NLGN1: variants seen among roughly 807,000 people sequenced by gnomAD.
NLGN1 encodes neuroligin 1, also known as neuroligin-1.
NLGN1 carries 12 observed loss-of-function variants against 65.5 expected under a neutral mutation model. That is an observed-to-expected ratio of 0.18 (90% CI 0.12 to 0.30). The LOEUF is 0.30. Among genes scored for constraint, NLGN1 ranks in the 10% least tolerant of loss-of-function variants. The pLI, the probability that NLGN1 is intolerant of heterozygous loss-of-function variation, is 1.00. For missense variants in NLGN1, 750 were observed against 1,007.1 expected, an observed-to-expected ratio of 0.74 and a Z score of 3.46; for synonymous variants, 350 against 359.5, an observed-to-expected ratio of 0.97 and a Z score of 0.30.
intron 3 of NLGN1, among the ~76,000 whole-genome samples, chr3:173,726,955 A>T (rs1771912268): frequency 1.3e-5 from 2 of 149,770 alleles, no homozygotes; most frequent in South Asian, 2.1e-4. Context: ...AAAAAAAAAG[A>T]AGAAGAAGAA....
At chr3:173,532,832 T>A (rs1560394849) in intron 2 of NLGN1, among the ~76,000 whole-genome samples, 1 of 152,190 alleles carries the variant, frequency 6.6e-6, no homozygotes, top group Non-Finnish European at 1.5e-5. Context: ...TCCCTGATAC[T>A]CCATGTTTAT....
chr3:174,183,701 C>T (rs1429975509), intron 4 of NLGN1, among the ~76,000 whole-genome samples: 2 of 152,126 alleles, frequency 1.3e-5, no homozygotes, highest in East Asian at 1.9e-4. Context: ...TGCACACATA[C>T]ACAACATTCA....
chr3:174,267,148 G>T (rs570363910), intron 4 of NLGN1, among the ~76,000 whole-genome samples: 1 of 152,132 alleles, frequency 6.6e-6, no homozygotes, highest in Non-Finnish European at 1.5e-5. Context: ...TGTTTGTGTC[G>T]CTATAAAGGA....
intron 3 of NLGN1, among the ~76,000 whole-genome samples, chr3:173,627,100 G>C (rs1464381174): frequency 6.6e-6 from 1 of 151,968 alleles, no homozygotes; most frequent in Non-Finnish European, 1.5e-5. Flanking sequence ...GATCTACCAT[G>C]GGTTTTTTGT....
chr3:174,259,407 C>T (rs189869216), intron 4 of NLGN1, among the ~76,000 whole-genome samples: 1 of 152,090 alleles, frequency 6.6e-6, no homozygotes, highest in East Asian at 1.9e-4. Context: ...TTCTCCCTCA[C>T]CCTCACACTT....
At chr3:173,859,902 C>G (rs1251421138) in intron 4 of NLGN1, among the ~76,000 whole-genome samples, 1 of 151,910 alleles carries the variant, frequency 6.6e-6, no homozygotes, top group Non-Finnish European at 1.5e-5. Context: ...GTCTGTTGCT[C>G]TAGTACGCTT....
chr3:174,160,721 T>C (rs73046289), intron 4 of NLGN1, among the ~76,000 whole-genome samples: 1 of 150,964 alleles, frequency 6.6e-6, no homozygotes, highest in Non-Finnish European at 1.5e-5. Context: ...ATTATAATAG[T>C]TTTATCATAT....
chr3:173,415,481 T>C (rs1335736572), intron 1 of NLGN1, among the ~76,000 whole-genome samples: 1 of 152,200 alleles, frequency 6.6e-6, no homozygotes, highest in Non-Finnish European at 1.5e-5. Context: ...ACACTGGGAT[T>C]GAAGTTGGAT....
At chr3:174,121,707 T>G (rs1003135095) in intron 4 of NLGN1, among the ~76,000 whole-genome samples, 23 of 152,196 alleles carry the variant, frequency 1.5e-4, no homozygotes, top group Non-Finnish European at 7.3e-5. Context: ...AACAATAAGT[T>G]TTAACTTTCA....
At chr3:173,550,277 A>G (rs780498761) in intron 2 of NLGN1, among the ~76,000 whole-genome samples, 19 of 152,114 alleles carry the variant, frequency 1.2e-4, no homozygotes, top group Non-Finnish European at 1.8e-4. Context: ...AAAATCAGCT[A>G]TAATATTATC....
intron 2 of NLGN1, among the ~76,000 whole-genome samples, chr3:173,445,656 A>G (rs1157452080): frequency 1.3e-5 from 2 of 152,220 alleles, no homozygotes; most frequent in Admixed American, 6.5e-5. Flanking sequence ...TCCACATTAA[A>G]TGGCTTCAGA....
At chr3:173,479,777 TATATGAACA>T (rs1046720686) in intron 2 of NLGN1, among the ~76,000 whole-genome samples, 2 of 152,120 alleles carry the variant, frequency 1.3e-5, no homozygotes, top group African/African-American at 2.4e-5. Context: ...GCTATGAACT[TATATGAACA>T]ATATGAACAA....
intron 4 of NLGN1, among the ~76,000 whole-genome samples, chr3:174,035,931 AC>A (rs1315135333): frequency 6.6e-6 from 1 of 152,136 alleles, no homozygotes; most frequent in Admixed American, 6.6e-5. Context: ...GACCTTCTGC[AC>A]GACCAACCTT....
chr3:173,756,334 T>C (rs73180676), intron 3 of NLGN1, among the ~76,000 whole-genome samples: 21,254 of 151,918 alleles, frequency 0.14, 1,704 homozygotes, highest in South Asian at 0.26. Flanking sequence ...CAAATACATA[T>C]GTATCTTAAC....
intron 3 of NLGN1, among the ~76,000 whole-genome samples, chr3:173,737,434 A>G (rs1485112672): frequency 6.6e-6 from 1 of 151,610 alleles, no homozygotes; most frequent in African/African-American, 2.4e-5. Flanking sequence ...TTTCCTCTCA[A>G]CCCCTCACCT....
Position 173,494,739 on chromosome 3 carries a change from C to T in NLGN1, c.-321+59661C>T, listed in dbSNP as rs73038196. Among the ~76,000 whole-genome samples the T allele has an allele frequency of 8.4e-3, 1,272 of 151,838 alleles. 57 individuals carry two copies. The highest frequency in any genetic ancestry group is 0.03 in the African/African-American group (1,230 of 41,212). ...GTAGTGGCTGAGAGTTCACTAATTT[C>T]CATACGAATGTTGTTACTCTAGCAC... On this transcript the variant is annotated intron_variant, in intron 2 of 6. Transcript: ENST00000457714.
At chr3:173,722,706 T>TTTTCCTCACA in intron 3 of NLGN1, among the ~76,000 whole-genome samples, 1 of 152,258 alleles carries the variant, frequency 6.6e-6, no homozygotes, top group African/African-American at 2.4e-5. Flanking sequence ...TTAATCTCCC[T>TTTTCCTCACA]TTTCCTCACA....
chr3:173,445,267 CAAAAAAAAAA>C (rs60140480), intron 2 of NLGN1, among the ~76,000 whole-genome samples: 42 of 103,484 alleles, frequency 4.1e-4, no homozygotes, highest in Middle Eastern at 9.8e-3. Flanking sequence ...GACTCCGTCT[CAAAAAAAAAA>C]AAAAAAAAAA....
chr3:173,678,681 G>A (rs1425987915), intron 3 of NLGN1, among the ~76,000 whole-genome samples: 1 of 152,052 alleles, frequency 6.6e-6, no homozygotes, highest in Non-Finnish European at 1.5e-5. Flanking sequence ...TTATACCCTA[G>A]GGGTTAGTAT....
Sources: gnomAD v4.1 joint callset for allele counts (sites outside exome capture counted in the v4.1 genomes callset) on GRCh38, gnomAD v4.1.1 for gene constraint, MANE v1.5 for transcripts, NCBI Gene and HGNC (gene_info 2026-07-23, HGNC 2026-07-21) for gene names.